Variants in ACO2 observed in about 807,000 individuals in gnomAD.
ACO2 encodes aconitate hydratase, mitochondrial.
Under a neutral mutation model 84.5 loss-of-function variants are expected in ACO2, and 31 were observed. That is an observed-to-expected ratio of 0.37 (90% CI 0.28 to 0.50). The LOEUF is 0.50. ACO2 is among the 20% of genes least tolerant of loss of function. The pLI is 0.97. For missense variants in ACO2, 685 were observed against 1,029.3 expected (o/e 0.67, Z 4.58); for synonymous variants, 414 against 412.7 (o/e 1.00, Z -0.04).
At chr22:41,523,155 ATCAGACTC>A in intron 10 of ACO2, 42 bp from the exon 11 acceptor site, 1 of 1,570,010 alleles carries the variant, frequency 6.4e-7, no homozygotes, top group Non-Finnish European at 8.7e-7. Flanking sequence ...ACCCCTTCCC[ATCAGACTC>A]TCACCCACCC....
intron 1 of ACO2, among the ~76,000 whole-genome samples, chr22:41,487,797 G>A: frequency 6.6e-6 from 1 of 151,972 alleles, no homozygotes; most frequent in East Asian, 1.9e-4. Context: ...CCAATGTCCA[G>A]AACCAAACTC....
intron 1 of ACO2, among the ~76,000 whole-genome samples, chr22:41,495,755 G>C (rs995974110): frequency 6.6e-6 from 1 of 151,400 alleles, no homozygotes. Context: ...CGAGTAGCTG[G>C]GGCTACAGGC....
In ACO2 at chr22:41,525,357, C is replaced by G. The variant is rs969418156; in HGVS notation, c.1761+9C>G. 6.2e-7 allele frequency: 1 copy of G among 1,613,186 alleles called. No homozygotes were observed. The highest frequency in any genetic ancestry group is 1.3e-5 in the African/African-American group (1 of 74,918). ...TGCAGATCCTCATCAAGGTCAGCAG[C>G]ATGGGGACGGCAGGACAGCCCCACC... On this transcript the variant is annotated intron_variant, in intron 14 of 17. Transcript: ENST00000216254.
At chr22:41,482,591 C>T (rs2267434) in intron 1 of ACO2, among the ~76,000 whole-genome samples, 14,280 of 152,234 alleles carry the variant, frequency 0.094, 1,788 homozygotes, top group East Asian at 0.47. Context: ...AGTGCTATAA[C>T]GATGCTTAGG....
chr22:41,506,860 G>C (rs1344944340), intron 2 of ACO2, among the ~76,000 whole-genome samples: 1 of 152,082 alleles, frequency 6.6e-6, no homozygotes, highest in Non-Finnish European at 1.5e-5. Context: ...AGGTCTGAAA[G>C]GGGCTGTTGT....
intron 15 of ACO2, 165 bp downstream of exon 15, chr22:41,526,618 T>C (rs1018149705): frequency 4.6e-6 from 3 of 655,650 alleles, no homozygotes; most frequent in East Asian, 3.0e-5. Flanking sequence ...TCCCTGTGGC[T>C]GAGAAGGCAT....
chr22:41,499,905 G>A (rs200863334), intron 2 of ACO2, 43 bp downstream of exon 2: 964 of 1,605,028 alleles, frequency 6.0e-4, no homozygotes, highest in Non-Finnish European at 7.9e-4. Context: ...AGGGCATTGC[G>A]TCTGCTGCCT....
chr22:41,490,546 C>T (rs954182758), intron 1 of ACO2, among the ~76,000 whole-genome samples: 5 of 152,176 alleles, frequency 3.3e-5, no homozygotes, highest in South Asian at 2.1e-4. Context: ...AAAACAGCGC[C>T]GCGGACAGTA....
At chr22:41,496,604 C>T (rs115916098) in intron 1 of ACO2, among the ~76,000 whole-genome samples, 2,812 of 152,280 alleles carry the variant, frequency 0.018, 83 homozygotes, top group African/African-American at 0.064. Flanking sequence ...CCACCCGTCA[C>T]AGGGATAGCG....
At position 41,523,200 on chromosome 22, in the gene ACO2, G is replaced by A; in HGVS notation, c.1297-5G>A. The stretch of plus-strand genomic sequence containing the variant: ...TGACATTCTGTCTTCCTCTCTCCCT[G>A]GCAGGCACAGATCTTGAGGGATCTG... On this transcript the variant is annotated splice_polypyrimidine_tract_variant and splice_region_variant and intron_variant, in intron 10 of 17. Coordinates refer to ENST00000216254, the MANE Select transcript of ACO2 (RefSeq NM_001098.3). 6.2e-7 allele frequency: 1 copy of A among 1,611,072 alleles called. No individual in the cohort carries two copies. The highest frequency in any genetic ancestry group is 1.3e-5 in the African/African-American group (1 of 74,960).
At chr22:41,528,443 C>T (rs1309290840) in intron 17 of ACO2, 36 bp from the exon 18 acceptor site, 1 of 1,608,124 alleles carries the variant, frequency 6.2e-7, no homozygotes, top group South Asian at 1.1e-5. Context: ...CACACAGTAC[C>T]CACCACTTCC....
chr22:41,479,296 C>T (rs2038059161), intron 1 of ACO2, among the ~76,000 whole-genome samples: 1 of 152,150 alleles, frequency 6.6e-6, no homozygotes, highest in South Asian at 2.1e-4. Flanking sequence ...CATTACCCAC[C>T]ATCTGTTGAG....
chr22:41,471,202 T>C (rs1006774528), intron 1 of ACO2, among the ~76,000 whole-genome samples: 3 of 152,208 alleles, frequency 2.0e-5, no homozygotes, highest in African/African-American at 7.2e-5. Flanking sequence ...TCACGTAGAC[T>C]AACCTCTTAT....
At chr22:41,527,841 G>A (rs1569026193) in intron 16 of ACO2, 60 bp from the exon 17 acceptor site, 7 of 1,612,814 alleles carry the variant, frequency 4.3e-6, no homozygotes, top group Non-Finnish European at 5.9e-6. Context: ...GATGGGTTCA[G>A]AAAATGAAGC....
intron 8 of ACO2, among the ~76,000 whole-genome samples, chr22:41,519,571 C>T (rs373660029): frequency 7.9e-5 from 12 of 152,060 alleles, no homozygotes; most frequent in Admixed American, 5.9e-4. Flanking sequence ...TTTGGGAGGC[C>T]GAGGCGGGCA....
chr22:41,521,917 G>A (rs1338893386), intron 9 of ACO2, among the ~76,000 whole-genome samples: 2 of 152,010 alleles, frequency 1.3e-5, no homozygotes, highest in Non-Finnish European at 2.9e-5. Context: ...GACTACAGGC[G>A]CCCGCCACCA....
Position 41,523,204 on chromosome 22 carries a change from G to A in ACO2, c.1297-1G>A. 1 of 1,611,294 alleles carries A rather than the reference G, an allele frequency of 6.2e-7. No individual in the cohort carries two copies. Among genetic ancestry groups the A allele is most frequent in the Non-Finnish European group, 8.5e-7 (1 of 1,178,378 alleles). Reference sequence around the variant, plus strand: ...ATTCTGTCTTCCTCTCTCCCTGGCAGGCACAGATCTTGAGGGATCTGGGTG... The same window carrying A: ...ATTCTGTCTTCCTCTCTCCCTGGCAAGCACAGATCTTGAGGGATCTGGGTG... On this transcript the variant is annotated splice_acceptor_variant, in intron 10 of 17. Transcript: ENST00000216254. LOFTEE classifies it high-confidence loss of function.
intron 12 of ACO2, 32 bp downstream of exon 12, chr22:41,523,973 A>G (rs2066551126): frequency 6.3e-7 from 1 of 1,599,442 alleles, no homozygotes; most frequent in African/African-American, 1.3e-5. Flanking sequence ...CAAGCCTGGG[A>G]TGGCCTCTGG....
At chr22:41,524,082 T>C in intron 12 of ACO2, 141 bp downstream of exon 12, 1 of 687,654 alleles carries the variant, frequency 1.5e-6, no homozygotes, top group Non-Finnish European at 2.5e-6. Context: ...CTCAGGCGCA[T>C]GCTTGGTGCT....
Sources: allele counts gnomAD v4.1 joint callset (sites outside exome capture counted in the v4.1 genomes callset), GRCh38; gene constraint gnomAD v4.1.1; transcripts MANE v1.5; gene names NCBI Gene and HGNC (gene_info 2026-07-23, HGNC 2026-07-21).